CREBBP: variants seen among roughly 807,000 people sequenced by gnomAD.
CREBBP encodes the protein CREB-binding protein.
A neutral mutation model predicts 265.0 loss-of-function variants in CREBBP; 19 were observed. The observed-to-expected ratio is 0.07, with a 90% CI of 0.05 to 0.11. CREBBP has a LOEUF of 0.11. Among genes scored for constraint, CREBBP ranks in the 10% least tolerant of loss-of-function variants. The pLI is 1.00. For missense variants in CREBBP, 2,525 were observed against 3,219.0 expected, an observed-to-expected ratio of 0.78 and a Z score of 5.22; for synonymous variants, 1,457 against 1,223.7, an observed-to-expected ratio of 1.19 and a Z score of -3.98.
At chr16:3,834,823 T>C (rs2054411250) in intron 2 of CREBBP, among the ~76,000 whole-genome samples, 1 of 152,146 alleles carries the variant, frequency 6.6e-6, no homozygotes, top group South Asian at 2.1e-4. Context: ...CTTCATTTCA[T>C]TGTGAAGCTC....
intron 2 of CREBBP, among the ~76,000 whole-genome samples, 161 bp downstream of exon 2, chr16:3,850,136 T>C (rs1440971558): frequency 1.3e-5 from 2 of 152,166 alleles, no homozygotes; most frequent in South Asian, 2.1e-4. Flanking sequence ...GGGGCAGAGA[T>C]CTTTATCCTA....
In CREBBP at chr16:3,757,375, T is replaced by C. The variant is rs200346970; in HGVS notation, c.3611A>G (p.Tyr1204Cys). The change falls in exon 19 of 31, where the codon TAT becomes TGT. Residue 1204 changes from tyrosine (Y) to cysteine (C), a missense_variant and splice_region_variant. Physicochemically the swap from Tyr to Cys is radical, Grantham distance 194. Around this residue, in one of 19 missense-constraint regions of CREBBP, gnomAD observed 252 missense variants for 452.5 expected, o/e 0.56. Transcript: ENST00000262367. ...GCACAAAGTCTGTGGGGAAAACTCA[T>C]ACTGCAAAAATAAAGGAGAAATACT... The part of the protein sequence containing the change: ...QSLGYCCGRK[Y>C]EFSPQTLCCY... The C allele has an allele frequency of 1.2e-6, 2 of 1,612,160 alleles. No individual in the cohort carries two copies. The highest frequency in any genetic ancestry group is 1.7e-6 in the Non-Finnish European group (2 of 1,178,606).
intron 2 of CREBBP, among the ~76,000 whole-genome samples, chr16:3,849,430 T>TGTGTGTGTGATGTGCGTGACC (rs2054752273): frequency 2.3e-4 from 2 of 8,576 alleles, no homozygotes; most frequent in African/African-American, 3.0e-4. Flanking sequence ...TGTGTGTGTG[T>TGTGTGTGTGATGTGCGTGACC]GTGTGTGTGT....
At chr16:3,855,412 G>A (rs1476256891) in intron 1 of CREBBP, among the ~76,000 whole-genome samples, 2 of 152,134 alleles carry the variant, frequency 1.3e-5, no homozygotes, top group Non-Finnish European at 2.9e-5. Flanking sequence ...TTACAGGCGT[G>A]CACCACCGCA....
intron 5 of CREBBP, among the ~76,000 whole-genome samples, chr16:3,790,125 C>G (rs761252558): frequency 6.6e-6 from 1 of 152,056 alleles, no homozygotes; most frequent in Non-Finnish European, 1.5e-5. Context: ...GAGCCTATTA[C>G]TGAAATGTGC....
In CREBBP at chr16:3,787,070, C is replaced by CA. The variant is rs757962926; in HGVS notation, c.1331-4145dup. On this transcript the variant is annotated intron_variant, in intron 5 of 30. Coordinates refer to ENST00000262367, the MANE Select transcript of CREBBP (RefSeq NM_004380.3). ...TGGGCGACAGAGTGAGACTTCGTCTCAAAAAAAAAAAAAAAAGAATTTATT... is the reference window on the plus strand; with the variant it reads ...TGGGCGACAGAGTGAGACTTCGTCTCAAAAAAAAAAAAAAAAAGAATTTATT... Among the ~76,000 whole-genome samples the CA allele has an allele frequency of 6.6e-3, 568 of 86,686 alleles. 7 individuals carry two copies. The highest frequency in any genetic ancestry group is 0.012 in the African/African-American group (290 of 23,878). 56.9% of individuals were successfully genotyped at this position (86,686 alleles called of 152,430 possible). A position where few individuals can be genotyped will look rare whatever the true frequency, so the allele number is the denominator to read the frequency against.
At position 3,757,970 on chromosome 16, in the gene CREBBP, G is replaced by A. The variant is rs758861287; in HGVS notation, c.3448C>T (p.Pro1150Ser). 1 of 1,613,604 alleles carries A rather than the reference G, an allele frequency of 6.2e-7. No individual in the cohort carries two copies. The highest frequency in any genetic ancestry group is 8.5e-7 in the Non-Finnish European group (1 of 1,180,014). ...RKLDTGQYQE[P>S]WQYVDDVWLM... ...CAGACGTCGTCCACGTACTGCCAGG[G>A]CTCTTGGTATTGCCCTGTGTCCAGC... Residue 1150 changes from proline to serine, a missense_variant, in exon 18 of 31, where the codon CCC becomes TCC. Around this residue, in one of 19 missense-constraint regions of CREBBP, gnomAD observed 252 missense variants for 452.5 expected, o/e 0.56. Coordinates refer to ENST00000262367, the MANE Select transcript of CREBBP (RefSeq NM_004380.3).
At chr16:3,743,143 A>G (rs2052258164) in intron 23 of CREBBP, 1 of 152,222 alleles carries the variant, frequency 6.6e-6, no homozygotes, top group South Asian at 2.1e-4. Flanking sequence ...GTCTGGAGAC[A>G]TTTCTGACAG....
chr16:3,748,390 C>A (rs1439177852), intron 21 of CREBBP, among the ~76,000 whole-genome samples: 1 of 152,176 alleles, frequency 6.6e-6, no homozygotes, highest in Admixed American at 6.5e-5. Flanking sequence ...AAAAACAATC[C>A]GATGGTCATG....
chr16:3,773,867 T>G lies in CREBBP; in HGVS notation c.2347A>C (p.Met783Leu), dbSNP rs144200709. The part of the protein sequence containing the change: ...PNMMGAHTNN[M>L]MAQAPAQSQF... Reference sequence around the variant, plus strand: ...CTCTGAGCGGGCGCCTGGGCCATCATGTTGTTGGTGTGTGCACCCATCATG... The same window carrying G: ...CTCTGAGCGGGCGCCTGGGCCATCAGGTTGTTGGTGTGTGCACCCATCATG... Residue 783 changes from methionine to leucine, a missense_variant, in exon 13 of 31, where the codon ATG (methionine) becomes CTG (leucine). By Grantham distance (15) the Met-to-Leu change is conservative. Transcript: ENST00000262367. 2 of 1,612,342 alleles carry G rather than the reference T, an allele frequency of 1.2e-6. No homozygotes were observed. Among genetic ancestry groups the G allele is most frequent in the South Asian group, 2.2e-5 (2 of 90,998 alleles).
Position 3,728,594 on chromosome 16 carries a change from C to G in CREBBP, c.6453G>C (p.Arg2151=), listed in dbSNP as rs1394591377. 5.0e-6 allele frequency: 8 copies of G among 1,613,654 alleles called. No homozygotes were observed. The Admixed American group carries it at 1.3e-4, about 27-fold the overall frequency. The change falls in exon 31 of 31, where the codon CGG becomes CGC. Residue 2151 remains arginine, a synonymous_variant. Coordinates refer to ENST00000262367, the MANE Select transcript of CREBBP (RefSeq NM_004380.3). This position sits in a 1 kb window ranked among gnomAD's most constrained non-coding sequence, Gnocchi z 8.7. ...NLNAMQAGVP[R]PGVPPQQQAM... Reference sequence around the variant, plus strand: ...CCTGCTGCTGTGGAGGCACACCGGGCCGCGGCACGCCAGCCTGCATGGCAT... The same window carrying G: ...CCTGCTGCTGTGGAGGCACACCGGGGCGCGGCACGCCAGCCTGCATGGCAT...
chr16:3,794,572 C>A (rs376298407), intron 3 of CREBBP, among the ~76,000 whole-genome samples: 21 of 152,230 alleles, frequency 1.4e-4, no homozygotes, highest in African/African-American at 4.8e-4. Flanking sequence ...GCATTCTTGT[C>A]CTATGCTTTG....
rs139050013 is a variant in CREBBP at position 3,770,911 on chromosome 16, G to T, written c.2539C>A (p.Pro847Thr). 57 of 1,613,842 alleles carry T rather than the reference G, an allele frequency of 3.5e-5. No homozygotes were observed. The East Asian group carries it at 1.2e-3, about 35-fold the overall frequency. Residue 847 changes from proline to threonine, a missense_variant, in exon 14 of 31, where the codon CCA (proline) becomes ACA (threonine). Around this residue, in one of 19 missense-constraint regions of CREBBP, gnomAD observed 548 missense variants for 533.0 expected, o/e 1.03. Coordinates refer to ENST00000262367, the MANE Select transcript of CREBBP (RefSeq NM_004380.3). The part of the protein sequence containing the change: ...GPQASQLPCP[P>T]VTQSPLHPTP... ...GGGTGCAGTGGTGACTGTGTCACTG[G>T]AGGGCAAGGTAGCTGGCTGGCCTGA...
intron 6 of CREBBP, among the ~76,000 whole-genome samples, chr16:3,782,319 G>A (rs2053290378): frequency 6.6e-6 from 1 of 152,166 alleles, no homozygotes; most frequent in Admixed American, 6.6e-5. Flanking sequence ...AGATGTGTGA[G>A]AAACTGGCAA....
chr16:3,736,325 GC>G (rs529264128), intron 27 of CREBBP, 122 bp from the exon 28 acceptor site: 15 of 1,039,894 alleles, frequency 1.4e-5, no homozygotes, highest in Middle Eastern at 5.5e-4. Flanking sequence ...ATGCATGTGT[GC>G]CCCCCCACCA....
At chr16:3,830,527 A>G (rs1391434464) in intron 2 of CREBBP, among the ~76,000 whole-genome samples, 1 of 152,228 alleles carries the variant, frequency 6.6e-6, no homozygotes, top group African/African-American at 2.4e-5. Flanking sequence ...CATAATGATA[A>G]AAGGCTAAAT....
At chr16:3,849,447 G>GA (rs1567360655) in intron 2 of CREBBP, among the ~76,000 whole-genome samples, 2 of 31,820 alleles carry the variant, frequency 6.3e-5, no homozygotes, top group African/African-American at 1.2e-4. Flanking sequence ...GTGTGTGTGT[G>GA]TGTGTGTGTG....
At chr16:3,852,430 CA>C (rs958438078) in intron 1 of CREBBP, among the ~76,000 whole-genome samples, 90 of 152,060 alleles carry the variant, frequency 5.9e-4, no homozygotes, top group African/African-American at 2.0e-3. Context: ...CTCAGCCTCC[CA>C]AAGTGCTGGG....
At chr16:3,753,553 T>C (rs993919892) in intron 19 of CREBBP, among the ~76,000 whole-genome samples, 2 of 152,208 alleles carry the variant, frequency 1.3e-5, no homozygotes, top group Admixed American at 6.5e-5. Flanking sequence ...TCTTTAAATA[T>C]GTATTTTTTT....
Sources: gnomAD v4.1 joint callset for allele counts (sites outside exome capture counted in the v4.1 genomes callset) on GRCh38, gnomAD v4.1.1 for gene constraint, gnomAD v4.1.1 regional missense constraint, Gnocchi (gnomAD v3.1) non-coding constraint, MANE v1.5 for transcripts, NCBI Gene and HGNC (gene_info 2026-07-23, HGNC 2026-07-21) for gene names.